The following LARP7 variants were observed in gnomAD, a reference collection of about 807,000 sequenced individuals.
The protein encoded by LARP7 is La ribonucleoprotein 7, transcriptional regulator.
A neutral mutation model predicts 69.3 loss-of-function variants in LARP7; 52 were observed. That is an observed-to-expected ratio of 0.75 (90% confidence interval 0.60 to 0.95). The LOEUF (loss-of-function observed/expected upper bound fraction) is 0.95. Among genes scored for constraint, LARP7 ranks in the 40% least tolerant of loss-of-function variants. The pLI, the probability that LARP7 is intolerant of heterozygous loss-of-function variation, is 0.00. For synonymous variants in LARP7, 254 were observed against 215.9 expected (o/e 1.18, Z -1.55); for missense variants, 733 against 673.0 (o/e 1.09, Z -0.99).
In LARP7 at chr4:112,647,243, G is replaced by T. The variant is rs776408557; in HGVS notation, c.691G>T (p.Glu231Ter). ...GAAGAAGAAAGGCCGAATGAAAAAG[G>T]AAGACAATATCCAAGCCAAAGAAGA... ...KKKKKGRMKKEDNIQAKEENM... is the reference protein window; with the variant it reads ...KKKKKGRMKK The change falls in exon 7 of 13, where the codon GAA becomes TAA. Residue 231 changes from glutamate to a stop codon, truncating the protein, a stop_gained. Transcript: ENST00000344442. LOFTEE classifies it high-confidence loss of function. 6.2e-7 allele frequency: 1 copy of T among 1,601,634 alleles called. No individual in the cohort carries two copies. The highest frequency in any genetic ancestry group is 8.5e-7 in the Non-Finnish European group (1 of 1,176,876).
At chr4:112,642,553 T>TA (rs1355454961) in intron 1 of LARP7, among the ~76,000 whole-genome samples, 3 of 152,212 alleles carry the variant, frequency 2.0e-5, no homozygotes, top group Non-Finnish European at 2.9e-5. Context: ...AGCATCACTG[T>TA]AGCAGTTAGA....
At chr4:112,645,115 T>G (rs2048125946) in intron 2 of LARP7, among the ~76,000 whole-genome samples, 1 of 151,670 alleles carries the variant, frequency 6.6e-6, no homozygotes, top group Non-Finnish European at 1.5e-5. Context: ...CCCGGCTAAT[T>G]TTTGTATTTT....
intron 1 of LARP7, among the ~76,000 whole-genome samples, chr4:112,638,600 T>C (rs564912836): frequency 6.6e-5 from 10 of 152,336 alleles, no homozygotes; most frequent in Non-Finnish European, 1.5e-4. Flanking sequence ...AGCACTTAAC[T>C]GGTTCCCTTA....
chr4:112,648,434 T>TCC (rs2048489947), intron 8 of LARP7: 1 of 534,474 alleles, frequency 1.9e-6, no homozygotes, highest in African/African-American at 1.9e-5. Context: ...GCAAAGGGGA[T>TCC]CCCTTCAAAT....
chr4:112,644,941 T>C (rs1172639766), intron 2 of LARP7, 70 bp downstream of exon 2: 3 of 469,810 alleles, frequency 6.4e-6, no homozygotes, highest in Non-Finnish European at 9.4e-6. Flanking sequence ...TAAAATAATA[T>C]ATTCTTTTTT....
At chr4:112,648,451 A>G (rs1400072231) in intron 8 of LARP7, 2 of 534,398 alleles carry the variant, frequency 3.7e-6, no homozygotes, top group Non-Finnish European at 7.7e-6. Flanking sequence ...AAATGAGGTT[A>G]GCGTGTTCTA....
intron 12 of LARP7, chr4:112,655,410 C>T (rs1293594987): frequency 2.0e-5 from 3 of 152,124 alleles, no homozygotes; most frequent in East Asian, 3.8e-4. Context: ...GAACACAACT[C>T]AGTTATGACG....
At position 112,647,138 on chromosome 4, in the gene LARP7, T is replaced by C. The variant is rs373089725; in HGVS notation, c.646+11T>C. The C allele has an allele frequency of 5.0e-6, 8 of 1,601,036 alleles. No individual in the cohort carries two copies. The highest frequency in any genetic ancestry group is 2.5e-6 in the Non-Finnish European group (3 of 1,177,086). On this transcript the variant is annotated intron_variant, in intron 6 of 12. Coordinates refer to ENST00000344442, the MANE Select transcript of LARP7 (RefSeq NM_016648.4). ...CCTTAAGAGTTGTGGGTGAGTATTT[T>C]TCAATATTTAAATAGGTGTAGTTGA...
chr4:112,655,309 T>C (rs1203121207), intron 12 of LARP7: 3 of 152,256 alleles, frequency 2.0e-5, no homozygotes, highest in African/African-American at 7.2e-5. Context: ...ATTTAGATTT[T>C]ATATATTTTT....
intron 9 of LARP7, 43 bp downstream of exon 9, chr4:112,649,729 T>A: frequency 1.5e-6 from 2 of 1,297,896 alleles, no homozygotes; most frequent in Non-Finnish European, 2.1e-6. Context: ...AATGTACTTA[T>A]ATATGTAAAT....
Position 112,651,566 on chromosome 4 carries a change from TTC to T in LARP7, c.1416+986_1416+987del, listed in dbSNP as rs147471849. Among the ~76,000 whole-genome samples the T allele has an allele frequency of 5.2e-4, 79 of 152,258 alleles. No homozygotes were observed. In the East Asian group the frequency reaches 0.012, roughly 24 times the overall value. On this transcript the variant is annotated intron_variant, in intron 10 of 12. Coordinates refer to ENST00000344442, the MANE Select transcript of LARP7 (RefSeq NM_016648.4). ...ATTTCTAATCAACTCATTAAATAACTTCTGTTATTTAAAGGGTAACTTTATCA... is the reference window on the plus strand; with the variant it reads ...ATTTCTAATCAACTCATTAAATAACTTGTTATTTAAAGGGTAACTTTATCA...
Position 112,647,140 on chromosome 4 carries a change from C to CAA in LARP7, c.646+14_646+15dup. ...TTAAGAGTTGTGGGTGAGTATTTTTCAATATTTAAATAGGTGTAGTTGAAG... is the reference window on the plus strand; with the variant it reads ...TTAAGAGTTGTGGGTGAGTATTTTTCAAAATATTTAAATAGGTGTAGTTGAAG... On this transcript the variant is annotated intron_variant, in intron 6 of 12. Transcript: ENST00000344442. 6.3e-7 allele frequency: 1 copy of CAA among 1,599,488 alleles called. No individual in the cohort carries two copies.
Position 112,657,567 on chromosome 4 carries a change from T to C in LARP7, c.*240T>C. ...TGTCAGTGTCAGGTGATTTAGTAAA[T>C]AAATGTGTTTTGAACATTATTTGGA... On this transcript the variant is annotated 3_prime_UTR_variant, in exon 13 of 13. Coordinates refer to ENST00000344442, the MANE Select transcript of LARP7 (RefSeq NM_016648.4). 1 of 265,790 alleles carries C rather than the reference T, an allele frequency of 3.8e-6. No individual in the cohort carries two copies. Among genetic ancestry groups the C allele is most frequent in the Non-Finnish European group, 7.0e-6 (1 of 141,876 alleles). The allele number at this position is 265,790 out of a possible 1,614,324, so 16.5% of individuals were successfully genotyped here.
rs1043643484 is a variant in LARP7, at chr4:112,646,579, A to G, written c.304-9A>G. The G allele has an allele frequency of 5.9e-6, 9 of 1,524,876 alleles. No individual in the cohort carries two copies. The African/African-American group carries it at 8.3e-5, about 14-fold the overall frequency. The allele number at this position is 1,524,876 out of a possible 1,614,324, so 94.5% of individuals were successfully genotyped here. ...ATTAGTTTTATTAATGTAATATACT[A>G]TTTTAAAGCTTGATTTGGAAGGCAC... On this transcript the variant is annotated splice_polypyrimidine_tract_variant and intron_variant, in intron 3 of 12. Transcript: ENST00000344442.
intron 6 of LARP7, 27 bp from the exon 7 acceptor site, chr4:112,647,172 G>T (rs75987826): frequency 0.036 from 57,233 of 1,592,224 alleles, 1,247 homozygotes; most frequent in Middle Eastern, 0.065. Flanking sequence ...GAAGTAAGAT[G>T]AACTAATAAT....
Position 112,647,319 on chromosome 4 carries a change from C to A in LARP7, c.767C>A (p.Pro256His), listed in dbSNP as rs536947693. 1 of 1,613,918 alleles carries A rather than the reference C, an allele frequency of 6.2e-7. No individual in the cohort carries two copies. Among genetic ancestry groups the A allele is most frequent in the East Asian group, 2.2e-5 (1 of 44,874 alleles). ...TSISKMKRSR[P>H]TSEGSDIEST... ...ATCAGTAAAATGAAAAGATCCAGACCCACATCTGAGGGCTCTGACATTGAG... is the reference window on the plus strand; with the variant it reads ...ATCAGTAAAATGAAAAGATCCAGACACACATCTGAGGGCTCTGACATTGAG... Residue 256 changes from proline (P) to histidine (H), a missense_variant, in exon 7 of 13, where the codon CCC (proline) becomes CAC (histidine). Coordinates refer to ENST00000344442, the MANE Select transcript of LARP7 (RefSeq NM_016648.4).
Position 112,657,262 on chromosome 4 carries a change from GA to G in LARP7, c.1688del (p.Lys563ArgfsTer14). ...TTCTCTTTAGTTAATCACCAAAGCT[GA>G]AAAGATTAGACTGGCAAAGACTCAA... ...RGTEKLITKA[E>X]KIRLAKTQQA... On this transcript the variant is annotated frameshift_variant, in exon 13 of 13. Coordinates refer to ENST00000344442, the MANE Select transcript of LARP7 (RefSeq NM_016648.4). LOFTEE classifies it high-confidence loss of function. 1 of 1,577,928 alleles carries G rather than the reference GA, an allele frequency of 6.3e-7. No homozygotes were observed. Among genetic ancestry groups the G allele is most frequent in the African/African-American group, 1.4e-5 (1 of 72,718 alleles).
chr4:112,647,090 A>T lies in LARP7; in HGVS notation c.609A>T (p.Thr203=). 1 of 1,611,666 alleles carries T rather than the reference A, an allele frequency of 6.2e-7. No homozygotes were observed. Among genetic ancestry groups the T allele is most frequent in the Non-Finnish European group, 8.5e-7 (1 of 1,179,478 alleles). The change falls in exon 6 of 13, where the codon ACA becomes ACT. Residue 203 remains threonine (T), a synonymous_variant. Transcript: ENST00000344442. ...APRKPGIFPK[T]VKNKPIPALR... ...GAAAACCTGGCATATTTCCTAAAAC[A>T]GTGAAAAATAAGCCCATTCCAGCCT...
Position 112,650,463 on chromosome 4 carries a change from G to A in LARP7, c.1297G>A (p.Ala433Thr), listed in dbSNP as rs751122588. The change falls in exon 10 of 13, where the codon GCC becomes ACC. Residue 433 changes from alanine (A) to threonine (T), a missense_variant and splice_region_variant. Coordinates refer to ENST00000344442, the MANE Select transcript of LARP7 (RefSeq NM_016648.4). ...GGTCTTTTTCCTTTTCTAATCAGCA[G>A]CCAACAGGGAAGAGTGTCGCACCCA... Reference protein sequence around the residue: ...QNTGMKNEKTANREECRTQEK... With the variant: ...QNTGMKNEKTTNREECRTQEK... 6.2e-7 allele frequency: 1 copy of A among 1,613,514 alleles called. No individual in the cohort carries two copies. The highest frequency in any genetic ancestry group is 1.7e-5 in the Admixed American group (1 of 59,954).
Sources: gnomAD v4.1 joint callset for allele counts (sites outside exome capture counted in the v4.1 genomes callset) on GRCh38, gnomAD v4.1.1 for gene constraint, MANE v1.5 for transcripts, NCBI Gene and HGNC (gene_info 2026-07-23, HGNC 2026-07-21) for gene names.